Variants in MMP25 observed in about 807,000 individuals in gnomAD.
MMP25 encodes the protein matrix metallopeptidase 25.
In MMP25, 68 loss-of-function variants were observed where a neutral mutation model predicts 62.1. That is an observed-to-expected ratio of 1.10 (90% confidence interval 0.90 to 1.34). MMP25 has a LOEUF of 1.34. Ranked by LOEUF, MMP25 falls within the 40% of genes most tolerant of loss-of-function variation. MMP25 has a pLI of 0.00. For missense variants in MMP25, 942 were observed against 792.5 expected (o/e 1.19, Z -2.26); for synonymous variants, 407 against 345.6 (o/e 1.18, Z -1.97).
chr16:3,051,984 G>T (rs1339588389), intron 4 of MMP25: 1 of 151,988 alleles, frequency 6.6e-6, no homozygotes, highest in Non-Finnish European at 1.5e-5. Context: ...AAATTAGCCG[G>T]GTGTGGTGGT....
rs944751680 is a variant in MMP25, at chr16:3,050,016, G to C, written c.240G>C (p.Gly80=). The change falls in exon 3 of 10, where the codon GGG becomes GGC. Residue 80 remains glycine, a synonymous_variant. Transcript: ENST00000336577. ...GCCAAATGTCTCCCGCAGACCCAGGGACAGTGGCCACCATGCGTAAGCCCC... is the reference window on the plus strand; with the variant it reads ...GCCAAATGTCTCCCGCAGACCCAGGCACAGTGGCCACCATGCGTAAGCCCC... ...GLPETGRMDP[G]TVATMRKPRC... is the part of the protein sequence containing the mutation. 9 of 1,609,552 alleles carry C rather than the reference G, an allele frequency of 5.6e-6. No individual in the cohort carries two copies. Among genetic ancestry groups the C allele is most frequent in the Admixed American group, 3.3e-5 (2 of 59,994 alleles).
At chr16:3,055,617 C>G in intron 4 of MMP25, 1 of 323,608 alleles carries the variant, frequency 3.1e-6, no homozygotes, top group South Asian at 2.4e-5. Flanking sequence ...TGTTTGCTAC[C>G]CCTCTTAGGT....
At chr16:3,056,065 G>A (rs55977932) in intron 4 of MMP25, 2 of 407,892 alleles carry the variant, frequency 4.9e-6, no homozygotes, top group Non-Finnish European at 9.9e-6. Context: ...GACCTGGGGT[G>A]GGGGTGGTAC....
intron 4 of MMP25, chr16:3,055,966 C>T (rs1196118464): frequency 1.3e-5 from 6 of 455,102 alleles, no homozygotes; most frequent in Admixed American, 1.2e-4. Context: ...AGGGAAGAGG[C>T]TGGGAGCAAG....
chr16:3,050,150 TCCTGGGGCCCACCCGCAC>T lies in MMP25; in HGVS notation c.368+12_368+29del. ...AAGCGAACCCTGACATGGAGGTAGG[TCCTGGGGCCCACCCGCAC>T]CCTGGCCCTGCCTGCTGGGCTCCGG... On this transcript the variant is annotated splice_region_variant and intron_variant, in intron 3 of 9. Coordinates refer to ENST00000336577, the MANE Select transcript of MMP25 (RefSeq NM_022468.5). 8.7e-6 allele frequency: 14 copies of T among 1,601,110 alleles called. No homozygotes were observed. The highest frequency in any genetic ancestry group is 1.1e-5 in the Non-Finnish European group (13 of 1,170,624).
chr16:3,056,960 A>G (rs571752623), intron 4 of MMP25, 73 bp from the exon 5 acceptor site: 21 of 1,482,254 alleles, frequency 1.4e-5, no homozygotes, highest in South Asian at 1.1e-4. Context: ...CCCCAGCTGC[A>G]CTCGCAGGGC....
At chr16:3,048,144 A>T (rs924257414) in intron 2 of MMP25, among the ~76,000 whole-genome samples, 4 of 152,120 alleles carry the variant, frequency 2.6e-5, no homozygotes, top group Non-Finnish European at 4.4e-5. Context: ...CAGTCCTCTA[A>T]GGATTTTTTT....
rs945453009 is a variant in MMP25, at chr16:3,060,402, G to A, written c.*1304G>A. On this transcript the variant is annotated 3_prime_UTR_variant, in exon 10 of 10. Coordinates refer to ENST00000336577, the MANE Select transcript of MMP25 (RefSeq NM_022468.5). ...AGGACCAATATGTTCAGGCCACACC[G>A]ATGGCCTGAACCCCATGGGTAGAGT... 5 of 152,072 alleles carry A rather than the reference G, an allele frequency of 3.3e-5. No individual in the cohort carries two copies. The highest frequency in any genetic ancestry group is 7.3e-5 in the Non-Finnish European group (5 of 68,036). 9.4% of individuals were successfully genotyped at this position (152,072 alleles called of 1,614,324 possible).
Position 3,057,597 on chromosome 16 carries a change from A to C in MMP25, c.990A>C (p.Glu330Asp), listed in dbSNP as rs759963138. 5 of 1,614,032 alleles carry C rather than the reference A, an allele frequency of 3.1e-6. No individual in the cohort carries two copies. In the South Asian group the frequency reaches 4.4e-5, roughly 14 times the overall value. Residue 330 changes from glutamate (E) to aspartate (D), a missense_variant, in exon 7 of 10, where the codon GAA becomes GAC. Glu to Asp is a conservative substitution (Grantham distance 45). Coordinates refer to ENST00000336577, the MANE Select transcript of MMP25 (RefSeq NM_022468.5). ...ACGCCATCGCCAACATCCGAGGGGA[A>C]ACTTTCTTCTTCAAAGGTGAGTCAT... Reference protein sequence around the residue: ...NFDAIANIRGETFFFKGPWFW... With the variant: ...NFDAIANIRGDTFFFKGPWFW...
intron 1 of MMP25, 47 bp downstream of exon 1, chr16:3,047,063 A>G (rs1294043147): frequency 5.8e-6 from 8 of 1,390,140 alleles, no homozygotes; most frequent in Non-Finnish European, 9.3e-7. Flanking sequence ...AGAGATTGGG[A>G]GAGGGAAGCC....
chr16:3,050,296 C>T lies in MMP25; in HGVS notation c.411C>T (p.Thr137=), dbSNP rs376257566. The change falls in exon 4 of 10, where the codon ACC becomes ACT. Residue 137 remains threonine, a synonymous_variant. Coordinates refer to ENST00000336577, the MANE Select transcript of MMP25 (RefSeq NM_022468.5). The part of the protein sequence containing the change: ...FPQSSQLSQE[T]VRVLMSYALM... ...AGAGCTCCCAGCTGAGCCAGGAGAC[C>T]GTGCGGGTCCTCATGAGCTATGCCC... The T allele has an allele frequency of 1.7e-5, 28 of 1,609,474 alleles. No individual in the cohort carries two copies. Among genetic ancestry groups the T allele is most frequent in the African/African-American group, 4.0e-5 (3 of 74,858 alleles).
At chr16:3,055,471 C>T (rs1955990600) in intron 4 of MMP25, among the ~76,000 whole-genome samples, 1 of 152,210 alleles carries the variant, frequency 6.6e-6, no homozygotes, top group Non-Finnish European at 1.5e-5. Context: ...TTGAGCAAGA[C>T]CATTGAAGCC....
Position 3,057,179 on chromosome 16 carries a change from G to A in MMP25, c.808G>A (p.Asp270Asn), listed in dbSNP as rs1956025881. Reference protein sequence around the residue: ...GDPDKYRLSQDDRDGLQQLYG... With the variant: ...GDPDKYRLSQNDRDGLQQLYG... ...CCCTGACAAGTACCGCCTGTCTCAGGATGACCGCGATGGCCTGCAGCAACT... is the reference window on the plus strand; with the variant it reads ...CCCTGACAAGTACCGCCTGTCTCAGAATGACCGCGATGGCCTGCAGCAACT... The change falls in exon 5 of 10, where the codon GAT becomes AAT. Residue 270 changes from aspartate to asparagine, a missense_variant. Transcript: ENST00000336577. The A allele has an allele frequency of 6.2e-7, 1 of 1,612,698 alleles. No individual in the cohort carries two copies. Among genetic ancestry groups the A allele is most frequent in the Non-Finnish European group, 8.5e-7 (1 of 1,179,342 alleles).
rs1382558731 is a variant in MMP25, at chr16:3,046,902, C to A, written c.-16C>A. Reference sequence around the variant, plus strand: ...CCCCCTTCGAACCCCGCCGGCGGCCCGGGCTGGGGCGCACCATGCGGCTGC... The same window carrying A: ...CCCCCTTCGAACCCCGCCGGCGGCCAGGGCTGGGGCGCACCATGCGGCTGC... On this transcript the variant is annotated 5_prime_UTR_variant, in exon 1 of 10. Coordinates refer to ENST00000336577, the MANE Select transcript of MMP25 (RefSeq NM_022468.5). The A allele has an allele frequency of 7.2e-7, 1 of 1,391,516 alleles. No homozygotes were observed. The highest frequency in any genetic ancestry group is 1.5e-5 in the South Asian group (1 of 65,538). 86.2% of individuals were successfully genotyped at this position (1,391,516 alleles called of 1,614,324 possible).
At position 3,046,849 on chromosome 16, in the gene MMP25, C is replaced by T; in HGVS notation, c.-69C>T. ...CCTCTCCAGGCCCGGATCTCCTCCC[C>T]CAGGTCCCCGGGGCGGCCCCAGCCA... On this transcript the variant is annotated 5_prime_UTR_variant, in exon 1 of 10. Coordinates refer to ENST00000336577, the MANE Select transcript of MMP25 (RefSeq NM_022468.5). 1.0e-5 allele frequency: 9 copies of T among 903,908 alleles called. No homozygotes were observed. The highest frequency in any genetic ancestry group is 2.3e-5 in the South Asian group (1 of 43,688). The allele number at this position is 903,908 out of a possible 1,614,324, so 56.0% of individuals were successfully genotyped here. A position where few individuals can be genotyped will look rare whatever the true frequency, so the allele number is the denominator to read the frequency against.
chr16:3,056,820 C>T, intron 4 of MMP25: 1 of 528,950 alleles, frequency 1.9e-6, no homozygotes, highest in Non-Finnish European at 3.3e-6. Context: ...ATCTTTTCAG[C>T]CCTGTGGTCC....
At chr16:3,047,387 G>C (rs769230476) in intron 1 of MMP25, 28 bp from the exon 2 acceptor site, 1 of 1,597,960 alleles carries the variant, frequency 6.3e-7, no homozygotes, top group South Asian at 1.1e-5. Flanking sequence ...CACCCAGCCC[G>C]CTTCACCTGC....
chr16:3,050,191 C>A, intron 3 of MMP25, 47 bp downstream of exon 3: 1 of 1,579,928 alleles, frequency 6.3e-7, no homozygotes, highest in South Asian at 1.1e-5. Context: ...TGCTGGGCTC[C>A]GGCTTTGAAT....
intron 6 of MMP25, 24 bp from the exon 7 acceptor site, chr16:3,057,507 A>G (rs1596221554): frequency 6.2e-7 from 1 of 1,607,818 alleles, no homozygotes; most frequent in South Asian, 1.1e-5. Context: ...CCCCCTCTCT[A>G]CTCACCTCTC....
Sources: gnomAD v4.1 joint callset for allele counts (sites outside exome capture counted in the v4.1 genomes callset) on GRCh38, gnomAD v4.1.1 for gene constraint, MANE v1.5 for transcripts, NCBI Gene and HGNC (gene_info 2026-07-23, HGNC 2026-07-21) for gene names.